Variants in TMCO1 observed in about 807,000 individuals in gnomAD.
The protein encoded by TMCO1 is calcium load-activated calcium channel.
In TMCO1, 29 loss-of-function variants were observed where a neutral mutation model predicts 29.3. The ratio of observed to expected loss-of-function variants is 0.99; its 90% confidence interval spans 0.74 to 1.35. The LOEUF (loss-of-function observed/expected upper bound fraction) is 1.35, where lower values mean the gene tolerates loss of function less well. Ranked by LOEUF, TMCO1 falls within the 40% of genes most tolerant of loss-of-function variation. TMCO1 has a pLI of 0.00. For synonymous variants in TMCO1, 80 were observed against 77.1 expected, an observed-to-expected ratio of 1.04 and a Z score of -0.20; for missense variants, 173 against 225.5, an observed-to-expected ratio of 0.77 and a Z score of 1.49.
chr1:165,768,794 C>T lies in TMCO1; in HGVS notation c.-43G>A, dbSNP rs760687552. ...GCACTCTCACCCGCCAGGGGGAAAGCGCTCTACAGCCAGGAAAAGTGAAGC... is the reference window on the plus strand; with the variant it reads ...GCACTCTCACCCGCCAGGGGGAAAGTGCTCTACAGCCAGGAAAAGTGAAGC... On this transcript the variant is annotated 5_prime_UTR_variant, in exon 1 of 7. Coordinates refer to ENST00000367881, the MANE Select transcript of TMCO1 (RefSeq NM_019026.6). 4 of 1,613,564 alleles carry T rather than the reference C, an allele frequency of 2.5e-6. No homozygotes were observed. In the Admixed American group the frequency reaches 6.7e-5, roughly 27 times the overall value.
chr1:165,768,467 C>T (rs2790053), intron 1 of TMCO1, 198 bp from the exon 2 acceptor site: 25 of 1,539,740 alleles, frequency 1.6e-5, no homozygotes, highest in Non-Finnish European at 2.2e-5. Context: ...CCACAAATAC[C>T]CAAGTGAAAT....
rs1290789069 is a variant in TMCO1, at chr1:165,727,157, T to C, written c.*866A>G. The C allele has an allele frequency of 2.2e-6, 1 of 454,068 alleles. No homozygotes were observed. Among genetic ancestry groups the C allele is most frequent in the Non-Finnish European group, 4.4e-6 (1 of 226,770 alleles). The allele number at this position is 454,068 out of a possible 1,614,324, so 28.1% of individuals were successfully genotyped here. A position where few individuals can be genotyped will look rare whatever the true frequency, so the allele number is the denominator to read the frequency against. On this transcript the variant is annotated 3_prime_UTR_variant, in exon 7 of 7. Transcript: ENST00000367881. ...AAGGCTATTGTGACTAAAAGGAAGCTCTGCGAGATTAACAACATATAACTA... is the reference window on the plus strand; with the variant it reads ...AAGGCTATTGTGACTAAAAGGAAGCCCTGCGAGATTAACAACATATAACTA...
chr1:165,742,283 G>A (rs1473089602), intron 6 of TMCO1, among the ~76,000 whole-genome samples: 2 of 148,892 alleles, frequency 1.3e-5, no homozygotes, highest in Non-Finnish European at 3.0e-5. Context: ...CTTTTTTTGA[G>A]ACAGGGTCCC....
chr1:165,731,024 C>T (rs1243739092), intron 6 of TMCO1, among the ~76,000 whole-genome samples: 3 of 152,044 alleles, frequency 2.0e-5, no homozygotes, highest in Non-Finnish European at 4.4e-5. Flanking sequence ...CTCAACCTCC[C>T]GAGTAGCAGG....
At chr1:165,748,158 C>CAA (rs1282605917) in intron 5 of TMCO1, among the ~76,000 whole-genome samples, 2 of 125,196 alleles carry the variant, frequency 1.6e-5, no homozygotes, top group Admixed American at 8.2e-5. Context: ...GACTCCATTT[C>CAA]AAAAAAAAAA....
chr1:165,746,370 T>G (rs1238944501), intron 5 of TMCO1, among the ~76,000 whole-genome samples: 1 of 151,506 alleles, frequency 6.6e-6, no homozygotes, highest in Non-Finnish European at 1.5e-5. Context: ...AGAAACCTGA[T>G]TATAATGAAG....
At chr1:165,745,267 C>A (rs543926400) in intron 5 of TMCO1, among the ~76,000 whole-genome samples, 3 of 149,016 alleles carry the variant, frequency 2.0e-5, no homozygotes, top group Non-Finnish European at 4.5e-5. Context: ...AAGTGATCCT[C>A]CTGCCTCAGC....
chr1:165,739,887 G>C (rs1651525021), intron 6 of TMCO1, among the ~76,000 whole-genome samples: 1 of 151,938 alleles, frequency 6.6e-6, no homozygotes, highest in African/African-American at 2.4e-5. Context: ...CAGGTGGGTG[G>C]ATCACCTGAG....
intron 2 of TMCO1, among the ~76,000 whole-genome samples, chr1:165,760,133 A>C (rs1400531381): frequency 1.3e-5 from 2 of 152,178 alleles, no homozygotes; most frequent in African/African-American, 4.8e-5. Flanking sequence ...AGAGCCAAAA[A>C]AGCTAAGACC....
downstream of TMCO1, chr1:165,724,986 TTCTCTCTCTCTC>T (rs61515012): frequency 0.12 from 44,630 of 369,154 alleles, 1,463 homozygotes; most frequent in East Asian, 0.2. Context: ...TATTCTCTCT[TTCTCTCTCTCTC>T]TCTCTCTCTC....
chr1:165,756,586 T>C (rs915582356), intron 3 of TMCO1, among the ~76,000 whole-genome samples: 2 of 152,130 alleles, frequency 1.3e-5, no homozygotes, highest in African/African-American at 4.8e-5. Flanking sequence ...CATTTGCTCC[T>C]GAAATTAAGA....
intron 5 of TMCO1, among the ~76,000 whole-genome samples, chr1:165,751,346 T>G (rs1023035251): frequency 6.6e-6 from 1 of 152,204 alleles, no homozygotes; most frequent in African/African-American, 2.4e-5. Flanking sequence ...GCCTTATGTC[T>G]TATACATAAA....
At chr1:165,750,396 C>T (rs1001793080) in intron 5 of TMCO1, among the ~76,000 whole-genome samples, 7 of 151,702 alleles carry the variant, frequency 4.6e-5, no homozygotes, top group African/African-American at 1.7e-4. Context: ...AAAAAATTAG[C>T]TGGGTGTGGT....
Position 165,768,808 on chromosome 1 carries a change from G to C in TMCO1, c.-57C>G. ...CAGGGGGAAAGCGCTCTACAGCCAGGAAAAGTGAAGCGAAAACGGCTTCCG... is the reference window on the plus strand; with the variant it reads ...CAGGGGGAAAGCGCTCTACAGCCAGCAAAAGTGAAGCGAAAACGGCTTCCG... On this transcript the variant is annotated 5_prime_UTR_variant, in exon 1 of 7. Coordinates refer to ENST00000367881, the MANE Select transcript of TMCO1 (RefSeq NM_019026.6). 2 of 1,612,120 alleles carry C rather than the reference G, an allele frequency of 1.2e-6. No individual in the cohort carries two copies. The highest frequency in any genetic ancestry group is 1.7e-6 in the Non-Finnish European group (2 of 1,179,074).
chr1:165,766,742 G>C (rs1652582362), intron 2 of TMCO1, among the ~76,000 whole-genome samples: 1 of 150,438 alleles, frequency 6.6e-6, no homozygotes, highest in Non-Finnish European at 1.5e-5. Context: ...AGGGGTGACA[G>C]AGTGAGACCC....
At chr1:165,747,047 G>T (rs995452644) in intron 5 of TMCO1, among the ~76,000 whole-genome samples, 2 of 151,998 alleles carry the variant, frequency 1.3e-5, no homozygotes, top group African/African-American at 4.8e-5. Context: ...GATCACTTGA[G>T]GTCAGGAGCT....
At chr1:165,754,950 C>T (rs1006488731) in intron 3 of TMCO1, 2 of 152,314 alleles carry the variant, frequency 1.3e-5, no homozygotes, top group Non-Finnish European at 1.5e-5. Context: ...GCCATGAACG[C>T]GTCACTGTGC....
At chr1:165,741,869 G>A (rs1376739854) in intron 6 of TMCO1, among the ~76,000 whole-genome samples, 10 of 152,182 alleles carry the variant, frequency 6.6e-5, no homozygotes. Flanking sequence ...TGACATGCCT[G>A]CTTCCCTTCT....
chr1:165,737,177 G>A (rs1651421724), intron 6 of TMCO1, among the ~76,000 whole-genome samples: 1 of 151,996 alleles, frequency 6.6e-6, no homozygotes, highest in Non-Finnish European at 1.5e-5. Context: ...TAACAAACAA[G>A]AAATCTCAGG....
Sources: allele counts gnomAD v4.1 joint callset (sites outside exome capture counted in the v4.1 genomes callset), GRCh38; gene constraint gnomAD v4.1.1; transcripts MANE v1.5; gene names NCBI Gene and HGNC (gene_info 2026-07-23, HGNC 2026-07-21).